The following ULK1 variants were observed in gnomAD, a reference collection of about 807,000 sequenced individuals.
ULK1 encodes serine/threonine-protein kinase ULK1.
ULK1 carries 48 observed loss-of-function variants against 117.5 expected under a neutral mutation model. That is an observed-to-expected ratio of 0.41 (90% CI 0.32 to 0.52). The LOEUF is 0.52. Among genes scored for constraint, ULK1 ranks in the 20% least tolerant of loss-of-function variants. ULK1 has a pLI of 0.29. For synonymous variants in ULK1, 790 were observed against 637.8 expected, an observed-to-expected ratio of 1.24 and a Z score of -3.60; for missense variants, 1,387 against 1,473.4, an observed-to-expected ratio of 0.94 and a Z score of 0.96.
chr12:131,914,251 A>G (rs1378852950), intron 15 of ULK1, 101 bp from the exon 16 acceptor site: 20 of 1,533,902 alleles, frequency 1.3e-5, no homozygotes, highest in African/African-American at 5.5e-5. Context: ...TGCCCTAACT[A>G]GGAAGTCTGG....
intron 22 of ULK1, chr12:131,918,230 G>A (rs902123715): frequency 1.0e-4 from 56 of 541,184 alleles, no homozygotes; most frequent in South Asian, 2.3e-4. Context: ...GCTGGGGGTC[G>A]GGATACCCAG....
intron 25 of ULK1, 46 bp from the exon 26 acceptor site, chr12:131,919,933 C>T (rs1237306519): frequency 1.3e-6 from 2 of 1,594,944 alleles, no homozygotes; most frequent in Middle Eastern, 1.8e-4. Context: ...TCCAGCCCTG[C>T]CCCGTGTCTG....
chr12:131,919,017 C>T lies in ULK1; in HGVS notation c.2512-195C>T, dbSNP rs866658437. Among the ~76,000 whole-genome samples the T allele has an allele frequency of 1.3e-3, 95 of 74,070 alleles. 1 individual carries two copies. The highest frequency in any genetic ancestry group is 9.4e-3 in the Middle Eastern group (1 of 106). The allele number at this position is 74,070 out of a possible 152,430, so 48.6% of individuals were successfully genotyped here. A position where few individuals can be genotyped will look rare whatever the true frequency, so the allele number is the denominator to read the frequency against. On this transcript the variant is annotated intron_variant, in intron 23 of 27. Transcript: ENST00000321867. ...GTGGGGTGCAGGGTGTGTGGGGTGT[C>T]GGCTGTGTGGGGTGTACGGTGTGTG...
Position 131,901,701 on chromosome 12 carries a change from C to T in ULK1, c.247-5191C>T, listed in dbSNP as rs1055382978. Among the ~76,000 whole-genome samples the T allele has an allele frequency of 7.9e-5, 12 of 152,168 alleles. No individual in the cohort carries two copies. The East Asian group carries it at 1.4e-3, about 17-fold the overall frequency. On this transcript the variant is annotated intron_variant, in intron 3 of 27. Coordinates refer to ENST00000321867, the MANE Select transcript of ULK1 (RefSeq NM_003565.4). ...TGGTTTTTGTTTGTGCGCAGCACCC[C>T]GTGGTGGGACTGTCACCTGGTATCA...
chr12:131,912,963 G>GCGGGGA (rs1889605304), intron 13 of ULK1, among the ~76,000 whole-genome samples: 1 of 152,162 alleles, frequency 6.6e-6, no homozygotes, highest in Non-Finnish European at 1.5e-5. Context: ...CAGAGTCCAA[G>GCGGGGA]TGGGGATAAG....
At chr12:131,909,079 C>A (rs1473804124) in intron 7 of ULK1, 57 bp from the exon 8 acceptor site, 1 of 1,604,464 alleles carries the variant, frequency 6.2e-7, no homozygotes, top group African/African-American at 1.3e-5. Context: ...GCCTGGCGGG[C>A]ACCTTCTGTG....
At chr12:131,918,437 T>C in intron 22 of ULK1, 60 bp from the exon 23 acceptor site, 1 of 1,536,058 alleles carries the variant, frequency 6.5e-7, no homozygotes, top group Non-Finnish European at 8.8e-7. Context: ...CTGTGGGGGA[T>C]GGATGGGGGC....
Position 131,908,687 on chromosome 12 carries a change from G to A in ULK1, c.360G>A (p.Gln120=), listed in dbSNP as rs1207751458. Residue 120 remains glutamine (Q), a synonymous_variant, in exon 6 of 28, where the codon CAG becomes CAA. Transcript: ENST00000321867. ...LSEDTIRLFL[Q]QIAGAMRLLH... The stretch of plus-strand genomic sequence containing the variant: ...AGGACACCATCAGGCTCTTCCTGCA[G>A]CAGATCGCGGGCGCCATGCGGCTTC... The A allele has an allele frequency of 6.3e-7, 1 of 1,590,170 alleles. No individual in the cohort carries two copies.
chr12:131,906,658 G>T (rs1189316700), intron 3 of ULK1: 5 of 590,272 alleles, frequency 8.5e-6, no homozygotes, highest in South Asian at 3.9e-5. Flanking sequence ...TTGCTCTTAT[G>T]GGGGGACCAG....
chr12:131,920,786 C>G, intron 26 of ULK1: 2 of 373,414 alleles, frequency 5.4e-6, no homozygotes, highest in Non-Finnish European at 9.7e-6. Flanking sequence ...GAAAAGTCAG[C>G]CTCCCTCCTG....
intron 4 of ULK1, among the ~76,000 whole-genome samples, chr12:131,907,195 C>T (rs756645383): frequency 2.0e-5 from 3 of 152,094 alleles, no homozygotes; most frequent in Non-Finnish European, 4.4e-5. Flanking sequence ...AATTTTTATA[C>T]TTTTAGTAGA....
intron 3 of ULK1, among the ~76,000 whole-genome samples, chr12:131,905,235 G>A (rs982544959): frequency 6.6e-5 from 10 of 152,124 alleles, no homozygotes; most frequent in African/African-American, 1.7e-4. Flanking sequence ...CAGCATCCTC[G>A]TCCAGCCCAT....
At position 131,907,358 on chromosome 12, in the gene ULK1, G is replaced by C. The variant is rs1889316457; in HGVS notation, c.280-137G>C. ...GATGTCTTCCAGCAGGGACTGTGGGGACACCTGCCCTGGGCTGGGCAGGTG... is the reference window on the plus strand; with the variant it reads ...GATGTCTTCCAGCAGGGACTGTGGGCACACCTGCCCTGGGCTGGGCAGGTG... On this transcript the variant is annotated intron_variant, in intron 4 of 27. Transcript: ENST00000321867. 16 of 1,065,154 alleles carry C rather than the reference G, an allele frequency of 1.5e-5. No homozygotes were observed. In the South Asian group the frequency reaches 2.5e-4, roughly 17 times the overall value. The allele number at this position is 1,065,154 out of a possible 1,614,324, so 66.0% of individuals were successfully genotyped here. A position where few individuals can be genotyped will look rare whatever the true frequency, so the allele number is the denominator to read the frequency against.
At chr12:131,900,280 G>A (rs1208802388) in intron 3 of ULK1, among the ~76,000 whole-genome samples, 1 of 152,172 alleles carries the variant, frequency 6.6e-6, no homozygotes, top group African/African-American at 2.4e-5. Context: ...TAGGTTACAG[G>A]TATTCCCCGC....
rs1187876813 is a variant in ULK1, at chr12:131,913,134, G to A, written c.1097-64G>A. 7.5e-6 allele frequency: 11 copies of A among 1,465,472 alleles called. No individual in the cohort carries two copies. In the East Asian group the frequency reaches 2.5e-4, roughly 34 times the overall value. The allele number at this position is 1,465,472 out of a possible 1,614,324, so 90.8% of individuals were successfully genotyped here. A position where few individuals can be genotyped will look rare whatever the true frequency, so the allele number is the denominator to read the frequency against. ...CGTGGGGATCCAGCAGAGAGCCTCG[G>A]TGGGGTGGGGTGGCCCTGGGCAGGC... is the stretch of plus-strand genomic sequence containing the variant. On this transcript the variant is annotated intron_variant, in intron 13 of 27. Coordinates refer to ENST00000321867, the MANE Select transcript of ULK1 (RefSeq NM_003565.4).
chr12:131,908,802 A>G lies in ULK1; in HGVS notation c.475A>G (p.Ile159Val). The change falls in exon 6 of 28, where the codon ATC becomes GTC. Residue 159 changes from isoleucine to valine, a missense_variant. By Grantham distance (29) the Ile-to-Val change is conservative. Transcript: ENST00000321867. ...PAGRRANPNS[I>V]RVKIADFGFA... ...CGGCCGCCGCGCCAACCCCAACAGC[A>G]TCCGCGTCAAGATCGGTCAGCCCGC... 1 of 1,606,602 alleles carries G rather than the reference A, an allele frequency of 6.2e-7. No individual in the cohort carries two copies. The highest frequency in any genetic ancestry group is 2.2e-5 in the East Asian group (1 of 44,574).
chr12:131,916,704 T>G, intron 20 of ULK1, 113 bp downstream of exon 20: 1 of 1,323,062 alleles, frequency 7.6e-7, no homozygotes, highest in South Asian at 1.6e-5. Context: ...GCCTTGCCCT[T>G]CTGTGGGTGC....
In ULK1 at chr12:131,922,391, G is replaced by T. The variant is rs760338308; in HGVS notation, c.*1030G>T. On this transcript the variant is annotated 3_prime_UTR_variant, in exon 28 of 28. Transcript: ENST00000321867. ...TCCCTACCTGGGCCTGGAAGCAGAT[G>T]AGGGGAATACTTCATGCAAAGAAAA... is the stretch of plus-strand genomic sequence containing the variant. The T allele has an allele frequency of 1.1e-4, 25 of 237,440 alleles. No individual in the cohort carries two copies. The highest frequency in any genetic ancestry group is 1.8e-4 in the Non-Finnish European group (21 of 115,952). 14.7% of individuals were successfully genotyped at this position (237,440 alleles called of 1,614,324 possible). A position where few individuals can be genotyped will look rare whatever the true frequency, so the allele number is the denominator to read the frequency against.
chr12:131,909,101 G>A lies in ULK1; in HGVS notation c.565-35G>A, dbSNP rs201590771. ...GGGCACCTTCTGTGGTTGGCGTGCG[G>A]GGGCCTCACACTGACCCGACTTCTG... On this transcript the variant is annotated intron_variant, in intron 7 of 27. Coordinates refer to ENST00000321867, the MANE Select transcript of ULK1 (RefSeq NM_003565.4). The A allele has an allele frequency of 1.9e-4, 304 of 1,600,826 alleles. No homozygotes were observed. In the African/African-American group the frequency reaches 3.4e-3, roughly 18 times the overall value.
Sources: allele counts gnomAD v4.1 joint callset (sites outside exome capture counted in the v4.1 genomes callset), GRCh38; gene constraint gnomAD v4.1.1; transcripts MANE v1.5; gene names NCBI Gene and HGNC (gene_info 2026-07-23, HGNC 2026-07-21).